Variants in SPPL2B observed in about 807,000 individuals in gnomAD.
The protein encoded by SPPL2B is signal peptide peptidase-like 2B.
SPPL2B carries 39 observed loss-of-function variants against 59.7 expected under a neutral mutation model. The ratio of observed to expected loss-of-function variants is 0.65; its 90% confidence interval spans 0.51 to 0.85. The LOEUF is 0.85. Ranked by LOEUF, SPPL2B falls within the 40% of genes least tolerant of loss-of-function variation. The pLI is 0.00. For synonymous variants in SPPL2B, 419 were observed against 370.8 expected, an observed-to-expected ratio of 1.13 and a Z score of -1.49; for missense variants, 865 against 849.0, an observed-to-expected ratio of 1.02 and a Z score of -0.23.
rs1414828362 is a variant in SPPL2B, at chr19:2,332,460, G to A, written c.67-2142G>A. Among the ~76,000 whole-genome samples the A allele has an allele frequency of 1.3e-5, 2 of 152,354 alleles. No individual in the cohort carries two copies. The highest frequency in any genetic ancestry group is 1.3e-4 in the Admixed American group (2 of 15,306). On this transcript the variant is annotated intron_variant, in intron 1 of 14. Transcript: ENST00000613503. The surrounding 1 kb of genome is among the most constrained non-coding windows in gnomAD (Gnocchi z 4.6). ...TGCGTCTGCACTGTTTTCCCTTGTG[G>A]CGTTGTGGTGTCGGCCCGTTTGGTG...
At chr19:2,344,111 ACCCC>A (rs1307003778) in intron 10 of SPPL2B, 72 bp downstream of exon 10, 1 of 535,320 alleles carries the variant, frequency 1.9e-6, no homozygotes, top group African/African-American at 5.3e-5. Flanking sequence ...CCGCCCCATC[ACCCC>A]CCCCATCACC....
At chr19:2,334,005 C>G (rs1968423722) in intron 1 of SPPL2B, among the ~76,000 whole-genome samples, 1 of 152,232 alleles carries the variant, frequency 6.6e-6, no homozygotes, top group South Asian at 2.1e-4. Context: ...TCCTGCTGTT[C>G]TACCAGTGGG....
At chr19:2,329,782 A>C (rs1968183468) in intron 1 of SPPL2B, among the ~76,000 whole-genome samples, 1 of 152,234 alleles carries the variant, frequency 6.6e-6, no homozygotes, top group Admixed American at 6.5e-5. Context: ...ACCGTGTCGC[A>C]TCCAGATGAG....
rs1468911920 is a variant in SPPL2B, at chr19:2,328,781, C to T, written c.66+6C>T. 12 of 1,423,312 alleles carry T rather than the reference C, an allele frequency of 8.4e-6. No individual in the cohort carries two copies. The highest frequency in any genetic ancestry group is 1.4e-5 in the South Asian group (1 of 69,098). The allele number at this position is 1,423,312 out of a possible 1,614,324, so 88.2% of individuals were successfully genotyped here. The stretch of plus-strand genomic sequence containing the variant: ...TTCTGCTCCTCGCGGCCCAGGTGAG[C>T]GCGGCACCGGTCCCGACGGCACCGC... On this transcript the variant is annotated splice_donor_region_variant and intron_variant, in intron 1 of 14. Coordinates refer to ENST00000613503, the MANE Select transcript of SPPL2B (RefSeq NM_152988.3).
intron 14 of SPPL2B, among the ~76,000 whole-genome samples, chr19:2,352,036 G>A (rs943870319): frequency 2.6e-5 from 4 of 152,228 alleles, no homozygotes; most frequent in African/African-American, 9.6e-5. Context: ...GACGAGGGGA[G>A]CAGGCCTGCC....
chr19:2,346,856 C>T (rs1349372076), intron 13 of SPPL2B, among the ~76,000 whole-genome samples: 2 of 152,000 alleles, frequency 1.3e-5, no homozygotes, highest in Non-Finnish European at 2.9e-5. Flanking sequence ...ACGTGGATGG[C>T]CTAAAATGGA....
chr19:2,337,307 G>A (rs954041116), intron 2 of SPPL2B, 136 bp from the exon 3 acceptor site: 6 of 793,514 alleles, frequency 7.6e-6, no homozygotes, highest in Middle Eastern at 3.3e-4. Flanking sequence ...CTCTGCCTAG[G>A]TGGGCCGAGG....
intron 7 of SPPL2B, chr19:2,340,457 C>A: frequency 1.6e-6 from 1 of 624,334 alleles, no homozygotes; most frequent in African/African-American, 1.9e-5. Flanking sequence ...CCCCAGGGTT[C>A]TCCGGGGAAC....
At chr19:2,336,654 T>C (rs1025729961) in intron 2 of SPPL2B, among the ~76,000 whole-genome samples, 6 of 151,838 alleles carry the variant, frequency 4.0e-5, no homozygotes, top group East Asian at 1.9e-4. Context: ...CGTGTGTGTG[T>C]GCATGTGTGT....
chr19:2,351,647 C>A (rs752338223), intron 14 of SPPL2B, 53 bp downstream of exon 14: 1 of 1,564,296 alleles, frequency 6.4e-7, no homozygotes, highest in Admixed American at 1.8e-5. Flanking sequence ...TGAGCCCTAA[C>A]TAGAGTTAAA....
rs1465902119 is a variant in SPPL2B, at chr19:2,355,001, AC to A, written c.*1793del. ...CTCTGTGGGCCATGTGGTCCCTGTC[AC>A]GCTTCTCAGCTCTGCCACTGTTGCT... On this transcript the variant is annotated 3_prime_UTR_variant, in exon 15 of 15. Transcript: ENST00000613503. Among the ~76,000 whole-genome samples the A allele has an allele frequency of 2.6e-5, 4 of 152,190 alleles. No individual in the cohort carries two copies. Among genetic ancestry groups the A allele is most frequent in the Non-Finnish European group, 5.9e-5 (4 of 68,034 alleles).
In SPPL2B at chr19:2,340,287, C is replaced by T; in HGVS notation, c.839+115C>T. ...TATTGCTCAGAGTCTACAGCAGGCG[C>T]TCCCTCAGTGCTGGCCTGGGGCTCC... On this transcript the variant is annotated intron_variant, in intron 7 of 14. Transcript: ENST00000613503. 8 of 852,104 alleles carry T rather than the reference C, an allele frequency of 9.4e-6. No homozygotes were observed. The South Asian group carries it at 1.4e-4, about 15-fold the overall frequency. The allele number at this position is 852,104 out of a possible 1,614,324, so 52.8% of individuals were successfully genotyped here. A position where few individuals can be genotyped will look rare whatever the true frequency, so the allele number is the denominator to read the frequency against.
chr19:2,352,758 C>T (rs1312433510), intron 14 of SPPL2B, among the ~76,000 whole-genome samples, 188 bp from the exon 15 acceptor site: 7 of 152,308 alleles, frequency 4.6e-5, no homozygotes, highest in South Asian at 4.1e-4. Flanking sequence ...GCACCTGTGC[C>T]GATGGACAGG....
At chr19:2,341,403 C>T in intron 8 of SPPL2B, 1 of 469,570 alleles carries the variant, frequency 2.1e-6, no homozygotes. Context: ...CACCAGGGCA[C>T]CCGGTCCTCT....
At chr19:2,329,909 C>T (rs1023895258) in intron 1 of SPPL2B, among the ~76,000 whole-genome samples, 4 of 152,074 alleles carry the variant, frequency 2.6e-5, no homozygotes, top group Non-Finnish European at 5.9e-5. Flanking sequence ...GGCTGTCGGG[C>T]CCCCTCGGAA....
chr19:2,333,717 G>A (rs974323264), intron 1 of SPPL2B, among the ~76,000 whole-genome samples: 2 of 152,218 alleles, frequency 1.3e-5, no homozygotes, highest in Admixed American at 6.5e-5. Flanking sequence ...TGTTGTCCCC[G>A]TTGTGTGTCA....
intron 7 of SPPL2B, chr19:2,340,373 C>A: frequency 1.6e-6 from 1 of 606,942 alleles, no homozygotes; most frequent in Non-Finnish European, 2.9e-6. Flanking sequence ...AGCAGCCAGG[C>A]GCCAGGGGTG....
Position 2,351,418 on chromosome 19 carries a change from T to A in SPPL2B, c.1355-16T>A. 1 of 1,581,954 alleles carries A rather than the reference T, an allele frequency of 6.3e-7. No individual in the cohort carries two copies. Among genetic ancestry groups the A allele is most frequent in the Non-Finnish European group, 8.6e-7 (1 of 1,162,158 alleles). ...TGGCCTGCCTGGCTGAGGTGATGCC[T>A]CCTCTGTCCCCACAGCCTATGGCGT... On this transcript the variant is annotated splice_polypyrimidine_tract_variant and intron_variant, in intron 13 of 14. Transcript: ENST00000613503.
intron 1 of SPPL2B, among the ~76,000 whole-genome samples, chr19:2,331,558 A>G (rs1021763206): frequency 1.3e-5 from 2 of 152,176 alleles, no homozygotes; most frequent in African/African-American, 4.8e-5. Context: ...GGCCTTTGAT[A>G]GAGGCACAGG....
Sources: allele counts gnomAD v4.1 joint callset (sites outside exome capture counted in the v4.1 genomes callset), GRCh38; gene constraint gnomAD v4.1.1; non-coding constraint Gnocchi (gnomAD v3.1); transcripts MANE v1.5; gene names NCBI Gene and HGNC (gene_info 2026-07-23, HGNC 2026-07-21).